Variants in EXOC6B observed in about 807,000 individuals in gnomAD.
EXOC6B encodes the protein SEC15 homolog B.
Under a neutral mutation model 113.5 loss-of-function variants are expected in EXOC6B, and 54 were observed. That is an observed-to-expected ratio of 0.48 (90% confidence interval 0.38 to 0.60). The LOEUF (loss-of-function observed/expected upper bound fraction) is 0.60, where lower values mean the gene tolerates loss of function less well. Ranked by LOEUF, EXOC6B falls within the 20% of genes least tolerant of loss-of-function variation. The pLI is 0.00. For missense variants in EXOC6B, 797 were observed against 977.5 expected, an observed-to-expected ratio of 0.82 and a Z score of 2.46; for synonymous variants, 357 against 339.0, an observed-to-expected ratio of 1.05 and a Z score of -0.58.
intron 18 of EXOC6B, among the ~76,000 whole-genome samples, chr2:72,410,521 A>G (rs1468719405): frequency 6.6e-6 from 1 of 152,230 alleles, no homozygotes; most frequent in African/African-American, 2.4e-5. Flanking sequence ...ATGCAATTTT[A>G]TCAGGTGAAA....
At chr2:72,258,361 C>CTTT (rs967346322) in intron 20 of EXOC6B, among the ~76,000 whole-genome samples, 13 of 124,836 alleles carry the variant, frequency 1.0e-4, no homozygotes, top group Non-Finnish European at 1.5e-4. Flanking sequence ...TTATCTTTTT[C>CTTT]TTTTTTTTTT....
chr2:72,253,161 G>C (rs895507933), intron 20 of EXOC6B, among the ~76,000 whole-genome samples: 8 of 152,146 alleles, frequency 5.3e-5, no homozygotes, highest in Non-Finnish European at 1.0e-4. Context: ...TCTCATACCA[G>C]TCACAATGGC....
chr2:72,307,989 A>G (rs1304104025), intron 20 of EXOC6B, among the ~76,000 whole-genome samples: 1 of 152,220 alleles, frequency 6.6e-6, no homozygotes, highest in East Asian at 1.9e-4. Flanking sequence ...TCGCAAAGAC[A>G]TAGTTATACT....
At chr2:72,762,235 TCC>T (rs1682782275) in intron 1 of EXOC6B, among the ~76,000 whole-genome samples, 1 of 133,312 alleles carries the variant, frequency 7.5e-6, no homozygotes, top group Admixed American at 8.2e-5. Context: ...AGAGTGAGAC[TCC>T]GTCTCAAAAA....
At chr2:72,220,147 A>G (rs1321917500) in intron 20 of EXOC6B, among the ~76,000 whole-genome samples, 1 of 152,262 alleles carries the variant, frequency 6.6e-6, no homozygotes, top group Non-Finnish European at 1.5e-5. Flanking sequence ...TTAAGGCTCC[A>G]CTAGGTATCC....
At chr2:72,307,702 C>A (rs1686967788) in intron 20 of EXOC6B, among the ~76,000 whole-genome samples, 1 of 152,152 alleles carries the variant, frequency 6.6e-6, no homozygotes, top group African/African-American at 2.4e-5. Flanking sequence ...AGCAAAGGTT[C>A]CCTTTTTTTC....
At chr2:72,459,395 G>A (rs1212171528) in intron 18 of EXOC6B, among the ~76,000 whole-genome samples, 1 of 152,112 alleles carries the variant, frequency 6.6e-6, no homozygotes, top group East Asian at 1.9e-4. Context: ...TATTCAATTA[G>A]GAAAAGAGGA....
intron 18 of EXOC6B, among the ~76,000 whole-genome samples, chr2:72,393,634 C>T (rs992327464): frequency 1.3e-5 from 2 of 152,050 alleles, no homozygotes; most frequent in Admixed American, 1.3e-4. Context: ...TTATATGAAA[C>T]CAGAAGAAAA....
intron 10 of EXOC6B, among the ~76,000 whole-genome samples, chr2:72,513,475 T>A (rs1701055282): frequency 6.6e-6 from 1 of 152,104 alleles, no homozygotes; most frequent in African/African-American, 2.4e-5. Flanking sequence ...AGATCAGAGT[T>A]ACATTTCTAT....
At chr2:72,299,067 C>T (rs1333974220) in intron 20 of EXOC6B, among the ~76,000 whole-genome samples, 1 of 151,982 alleles carries the variant, frequency 6.6e-6, no homozygotes, top group African/African-American at 2.4e-5. Flanking sequence ...TGGATAATAT[C>T]CTGAAGAGTG....
chr2:72,405,275 T>G (rs1213296211), intron 18 of EXOC6B, among the ~76,000 whole-genome samples: 5 of 152,252 alleles, frequency 3.3e-5, no homozygotes, highest in African/African-American at 1.2e-4. Context: ...CAGAAAACAC[T>G]CTGCAGGATA....
rs1023951466 is a variant in EXOC6B at position 72,565,405 on chromosome 2, G to A, written c.847-5884C>T. On this transcript the variant is annotated intron_variant, in intron 7 of 21. Transcript: ENST00000272427. ...ACACTGGTGAAACAAAAATTCAAGT[G>A]GTCTTTATTTAACAAGGGTCCACTA... 5.5e-5 allele frequency among the ~76,000 whole-genome samples: 8 copies of A among 145,978 alleles called. No homozygotes were observed. The East Asian group carries it at 1.2e-3, about 22-fold the overall frequency.
chr2:72,589,212 C>T (rs1288938489), intron 6 of EXOC6B, among the ~76,000 whole-genome samples: 1 of 151,812 alleles, frequency 6.6e-6, no homozygotes, highest in African/African-American at 2.4e-5. Context: ...ACACTTGAAA[C>T]AATATAAATT....
chr2:72,212,406 C>T (rs938782235), intron 20 of EXOC6B, among the ~76,000 whole-genome samples: 10 of 151,784 alleles, frequency 6.6e-5, no homozygotes, highest in African/African-American at 2.4e-4. Flanking sequence ...ACAGAATAGC[C>T]CTAGAAAATA....
In EXOC6B at chr2:72,575,638, C is replaced by T. The variant is rs759046565; in HGVS notation, c.700G>A (p.Val234Ile). Reference protein sequence around the residue: ...AQQQRNLDNIVLQQPRIGSKR... With the variant: ...AQQQRNLDNIILQQPRIGSKR... ...CTACCTATTCTGGGTTGTTGCAAGA[C>T]GATGTTATCCAGGTTTCTTTGCTGC... Residue 234 changes from valine to isoleucine, a missense_variant, in exon 7 of 22, where the codon GTC becomes ATC. Coordinates refer to ENST00000272427, the MANE Select transcript of EXOC6B (RefSeq NM_015189.3). The T allele has an allele frequency of 5.6e-6, 9 of 1,601,032 alleles. No individual in the cohort carries two copies. The highest frequency in any genetic ancestry group is 2.3e-5 in the East Asian group (1 of 43,850).
chr2:72,780,259 T>A (rs1683945958), intron 1 of EXOC6B, among the ~76,000 whole-genome samples: 1 of 152,134 alleles, frequency 6.6e-6, no homozygotes, highest in African/African-American at 2.4e-5. Context: ...AATAAAAACA[T>A]ACCTACAATA....
chr2:72,805,789 C>T (rs1685548712), intron 1 of EXOC6B, among the ~76,000 whole-genome samples: 1 of 152,068 alleles, frequency 6.6e-6, no homozygotes, highest in Admixed American at 6.6e-5. Flanking sequence ...CCATTCTGTC[C>T]TCCTCCAGCC....
chr2:72,643,936 A>T (rs1673476527), intron 6 of EXOC6B, among the ~76,000 whole-genome samples: 1 of 152,140 alleles, frequency 6.6e-6, no homozygotes, highest in Admixed American at 6.5e-5. Flanking sequence ...ACAAAGCTGG[A>T]TGGAGAATGA....
intron 6 of EXOC6B, among the ~76,000 whole-genome samples, chr2:72,591,290 T>C (rs1392432728): frequency 6.6e-6 from 1 of 152,150 alleles, no homozygotes; most frequent in African/African-American, 2.4e-5. Context: ...TGATTGTCAC[T>C]GGAGCTGATT....
Sources: allele counts gnomAD v4.1 joint callset (sites outside exome capture counted in the v4.1 genomes callset), GRCh38; gene constraint gnomAD v4.1.1; transcripts MANE v1.5; gene names NCBI Gene and HGNC (gene_info 2026-07-23, HGNC 2026-07-21).